STX8: variants seen among roughly 807,000 people sequenced by gnomAD.
STX8 encodes the protein syntaxin-8.
In STX8, 23 loss-of-function variants were observed where a neutral mutation model predicts 37.5. The observed-to-expected ratio is 0.61, with a 90% CI of 0.44 to 0.87. The LOEUF is 0.87. Ranked by LOEUF, STX8 falls within the 40% of genes least tolerant of loss-of-function variation. STX8 has a pLI of 0.00. For synonymous variants in STX8, 115 were observed against 99.1 expected, an observed-to-expected ratio of 1.16 and a Z score of -0.95; for missense variants, 313 against 284.7, an observed-to-expected ratio of 1.10 and a Z score of -0.71.
chr17:9,329,452 C>G (rs770893741), intron 7 of STX8, among the ~76,000 whole-genome samples: 1 of 152,212 alleles, frequency 6.6e-6, no homozygotes, highest in Admixed American at 6.5e-5. Context: ...TGCCACTTGG[C>G]TGGCTGGGTG....
intron 4 of STX8, among the ~76,000 whole-genome samples, chr17:9,520,613 C>G (rs956192006): frequency 1.9e-4 from 29 of 152,154 alleles, no homozygotes; most frequent in African/African-American, 6.8e-4. Context: ...TTCACAATCA[C>G]TTCTAAAGAC....
chr17:9,409,070 C>A lies in STX8; in HGVS notation c.542-30417G>T, dbSNP rs2142330674. Among the ~76,000 whole-genome samples, 4 of 152,152 alleles carry A rather than the reference C, an allele frequency of 2.6e-5. No homozygotes were observed. In the Middle Eastern group the frequency reaches 0.01, roughly 388 times the overall value. ...TATGGTACTCAGCCAGCAGCAGCCA[C>A]TGCCCAACCCCCTGCCCCCGCCCCC... On this transcript the variant is annotated intron_variant, in intron 6 of 7. Transcript: ENST00000306357.
chr17:9,529,021 TACAGGGAC>T (rs1393447589), intron 4 of STX8, among the ~76,000 whole-genome samples: 9 of 152,128 alleles, frequency 5.9e-5, no homozygotes, highest in Non-Finnish European at 8.8e-5. Context: ...CAAACTGGCT[TACAGGGAC>T]ATGGAGGGAA....
Position 9,473,154 on chromosome 17 carries a change from C to T in STX8, c.541+18675G>A, listed in dbSNP as rs1314065303. Among the ~76,000 whole-genome samples, 5 of 151,860 alleles carry T rather than the reference C, an allele frequency of 3.3e-5. No homozygotes were observed. The East Asian group carries it at 9.7e-4, about 29-fold the overall frequency. ...GCCTCAGCATCCTGAGTAGCTGGGA[C>T]TACAGGTGCCCACCACCACACCTGG... is the stretch of plus-strand genomic sequence containing the variant. On this transcript the variant is annotated intron_variant, in intron 6 of 7. Transcript: ENST00000306357.
intron 7 of STX8, among the ~76,000 whole-genome samples, chr17:9,372,547 G>C (rs560988189): frequency 4.0e-5 from 6 of 151,660 alleles, no homozygotes; most frequent in Non-Finnish European, 7.4e-5. Context: ...GCATGATCTC[G>C]GCTAACTGCA....
chr17:9,572,261 C>T (rs1331372346), intron 1 of STX8, among the ~76,000 whole-genome samples: 1 of 152,144 alleles, frequency 6.6e-6, no homozygotes, highest in Non-Finnish European at 1.5e-5. Flanking sequence ...TGTTAAACAG[C>T]GAGCTTACCA....
intron 6 of STX8, among the ~76,000 whole-genome samples, chr17:9,404,043 T>A (rs954509096): frequency 1.3e-5 from 2 of 152,186 alleles, no homozygotes; most frequent in African/African-American, 4.8e-5. Flanking sequence ...ACATATTTTG[T>A]ATATGTTATA....
At chr17:9,306,422 C>T (rs1455127588) in intron 7 of STX8, among the ~76,000 whole-genome samples, 6 of 141,894 alleles carry the variant, frequency 4.2e-5, no homozygotes, top group African/African-American at 1.2e-4. Flanking sequence ...TGTTGTTCAT[C>T]GTATTGGTGA....
At chr17:9,489,361 T>G (rs1906748233) in intron 6 of STX8, among the ~76,000 whole-genome samples, 1 of 152,102 alleles carries the variant, frequency 6.6e-6, no homozygotes, top group East Asian at 1.9e-4. Context: ...CCCAGGTGAT[T>G]CTAATATGCA....
chr17:9,297,524 A>T (rs565544461), intron 7 of STX8, among the ~76,000 whole-genome samples: 1 of 152,346 alleles, frequency 6.6e-6, no homozygotes, highest in South Asian at 2.1e-4. Context: ...CTTCTCATAC[A>T]AGCTGAATAG....
intron 6 of STX8, among the ~76,000 whole-genome samples, chr17:9,424,108 A>G (rs1362775090): frequency 2.0e-5 from 3 of 152,064 alleles, no homozygotes; most frequent in Non-Finnish European, 4.4e-5. Context: ...TGCTCCAACC[A>G]TATTTTTCCC....
intron 7 of STX8, among the ~76,000 whole-genome samples, chr17:9,357,530 T>A (rs1214328684): frequency 6.6e-6 from 1 of 151,706 alleles, no homozygotes; most frequent in Non-Finnish European, 1.5e-5. Flanking sequence ...ACTCCATCTC[T>A]ACAAAAAATA....
At chr17:9,556,768 T>C (rs1363154505) in intron 3 of STX8, 5 of 61,032 alleles carry the variant, frequency 8.2e-5, no homozygotes, top group African/African-American at 3.5e-4. Context: ...TATATATATA[T>C]ATATATATAT....
intron 7 of STX8, among the ~76,000 whole-genome samples, chr17:9,276,599 T>C (rs1907684971): frequency 6.6e-6 from 1 of 151,954 alleles, no homozygotes. Flanking sequence ...TTTTGTCAGC[T>C]TTTCTTGTTT....
chr17:9,437,701 C>A (rs974657088), intron 6 of STX8: 2 of 152,154 alleles, frequency 1.3e-5, no homozygotes, highest in Non-Finnish European at 2.9e-5. Flanking sequence ...TAGGCTAGGC[C>A]TTATATCTAT....
intron 6 of STX8, among the ~76,000 whole-genome samples, chr17:9,472,402 GTCC>G (rs1417178027): frequency 2.0e-4 from 30 of 152,176 alleles, no homozygotes; most frequent in African/African-American, 7.0e-4. Context: ...AATCCTTTGA[GTCC>G]TCCTAGCAAA....
chr17:9,443,385 T>C (rs1170205825), intron 6 of STX8, among the ~76,000 whole-genome samples: 2 of 152,206 alleles, frequency 1.3e-5, no homozygotes, highest in South Asian at 2.1e-4. Context: ...AGCACAAAGA[T>C]AGACCACACA....
chr17:9,322,503 C>T (rs1369496337), intron 7 of STX8, among the ~76,000 whole-genome samples: 1 of 152,192 alleles, frequency 6.6e-6, no homozygotes, highest in Non-Finnish European at 1.5e-5. Flanking sequence ...AGCACTTCCA[C>T]AGCCCAGGGG....
At chr17:9,423,183 A>T (rs1386370929) in intron 6 of STX8, among the ~76,000 whole-genome samples, 3 of 152,230 alleles carry the variant, frequency 2.0e-5, no homozygotes, top group Non-Finnish European at 4.4e-5. Context: ...CACTATCTGT[A>T]ATTCCTAACC....
Sources: gnomAD v4.1 joint callset for allele counts (sites outside exome capture counted in the v4.1 genomes callset) on GRCh38, gnomAD v4.1.1 for gene constraint, MANE v1.5 for transcripts, NCBI Gene and HGNC (gene_info 2026-07-23, HGNC 2026-07-21) for gene names.